LMBR1: variants seen among roughly 807,000 people sequenced by gnomAD.
LMBR1 encodes limb region 1 protein homolog.
A neutral mutation model predicts 73.9 loss-of-function variants in LMBR1; 52 were observed. The ratio of observed to expected loss-of-function variants is 0.70; its 90% CI spans 0.56 to 0.89. LMBR1 has a LOEUF of 0.89. LMBR1 is among the 40% of genes least tolerant of loss of function. The pLI, the probability that LMBR1 is intolerant of heterozygous loss-of-function variation, is 0.00. For synonymous variants in LMBR1, 215 were observed against 209.4 expected (o/e 1.03, Z -0.23); for missense variants, 539 against 579.8 (o/e 0.93, Z 0.72).
intron 9 of LMBR1, among the ~76,000 whole-genome samples, chr7:156,741,789 A>G (rs938715001): frequency 5.9e-5 from 9 of 152,176 alleles, no homozygotes; most frequent in African/African-American, 2.2e-4. Flanking sequence ...GTACTGTACA[A>G]CAAATGGACC....
chr7:156,882,088 G>A (rs534772416), intron 1 of LMBR1, among the ~76,000 whole-genome samples: 4 of 152,198 alleles, frequency 2.6e-5, no homozygotes, highest in Non-Finnish European at 4.4e-5. Context: ...GTCTATTAAC[G>A]GATGGATAAT....
At chr7:156,881,359 G>A (rs1052622781) in intron 1 of LMBR1, among the ~76,000 whole-genome samples, 1 of 152,156 alleles carries the variant, frequency 6.6e-6, no homozygotes, top group East Asian at 1.9e-4. Context: ...AGACTTAAAT[G>A]TAAAACATGA....
At chr7:156,856,751 T>A (rs1253650649) in intron 1 of LMBR1, among the ~76,000 whole-genome samples, 1 of 151,160 alleles carries the variant, frequency 6.6e-6, no homozygotes, top group East Asian at 1.9e-4. Flanking sequence ...AAGGAGTAAG[T>A]GAAGGTAAAA....
intron 5 of LMBR1, among the ~76,000 whole-genome samples, chr7:156,795,621 A>T (rs1192890832): frequency 6.6e-6 from 1 of 152,110 alleles, no homozygotes; most frequent in Admixed American, 6.5e-5. Context: ...ACGCAATCAC[A>T]GCTCACACCA....
chr7:156,838,860 C>T (rs193288025), intron 1 of LMBR1, among the ~76,000 whole-genome samples: 61 of 152,278 alleles, frequency 4.0e-4, no homozygotes, highest in African/African-American at 1.4e-3. Context: ...TCCCTTCTCG[C>T]CACATCTTCA....
At chr7:156,728,376 CTTG>C (rs1398436364) in intron 11 of LMBR1, among the ~76,000 whole-genome samples, 3 of 152,266 alleles carry the variant, frequency 2.0e-5, no homozygotes, top group East Asian at 1.9e-4. Context: ...TCTGCAACAC[CTTG>C]TTTTCTTAAT....
chr7:156,805,743 T>C (rs142448297), intron 4 of LMBR1, among the ~76,000 whole-genome samples: 219 of 152,306 alleles, frequency 1.4e-3, no homozygotes, highest in African/African-American at 4.4e-3. Flanking sequence ...ATATTGCTGT[T>C]ACAGACTGAA....
chr7:156,764,653 A>G (rs933504190), intron 5 of LMBR1, among the ~76,000 whole-genome samples: 8 of 152,246 alleles, frequency 5.3e-5, no homozygotes, highest in African/African-American at 9.6e-5. Context: ...ATATTTCTCA[A>G]TAAATTATGT....
chr7:156,802,665 G>A (rs1037991923), intron 4 of LMBR1, among the ~76,000 whole-genome samples: 1 of 152,030 alleles, frequency 6.6e-6, no homozygotes, highest in Non-Finnish European at 1.5e-5. Flanking sequence ...GATAAGTTTT[G>A]TCATGAGAAT....
intron 1 of LMBR1, among the ~76,000 whole-genome samples, chr7:156,861,008 G>A (rs1301366320): frequency 6.6e-6 from 1 of 152,226 alleles, no homozygotes; most frequent in African/African-American, 2.4e-5. Flanking sequence ...CCATTCTGGG[G>A]TCTGGAGGAT....
chr7:156,848,406 T>C (rs1795798170), intron 1 of LMBR1, among the ~76,000 whole-genome samples: 1 of 152,134 alleles, frequency 6.6e-6, no homozygotes, highest in African/African-American at 2.4e-5. Flanking sequence ...AAAGAAGACA[T>C]ACATGCAGCC....
chr7:156,879,232 AG>A (rs1383561074), intron 1 of LMBR1, among the ~76,000 whole-genome samples: 2 of 152,260 alleles, frequency 1.3e-5, no homozygotes, highest in East Asian at 3.8e-4. Context: ...GCATGGCAAA[AG>A]GAACAGTCAG....
intron 8 of LMBR1, 49 bp downstream of exon 8, chr7:156,762,085 G>A (rs757083528): frequency 2.9e-6 from 3 of 1,044,138 alleles, no homozygotes; most frequent in Middle Eastern, 2.2e-4. Context: ...ACAATCAAAT[G>A]TAAACACATT....
intron 4 of LMBR1, chr7:156,823,292 T>C (rs997370271): frequency 3.3e-5 from 5 of 152,026 alleles, no homozygotes; most frequent in Non-Finnish European, 7.4e-5. Context: ...TTAAAGATAC[T>C]AATATTCACT....
intron 1 of LMBR1, among the ~76,000 whole-genome samples, chr7:156,862,208 T>G (rs2134202297): frequency 6.6e-6 from 1 of 152,298 alleles, no homozygotes; most frequent in Admixed American, 6.5e-5. Context: ...AAGGAGCAAG[T>G]CACATCTTAC....
intron 1 of LMBR1, among the ~76,000 whole-genome samples, chr7:156,886,884 G>A (rs921775455): frequency 1.3e-5 from 2 of 152,116 alleles, no homozygotes; most frequent in Non-Finnish European, 2.9e-5. Flanking sequence ...GGTCAGCTGT[G>A]TTTAAACCTC....
chr7:156,707,768 A>C (rs1477399008), intron 15 of LMBR1, among the ~76,000 whole-genome samples: 2 of 152,186 alleles, frequency 1.3e-5, no homozygotes, highest in Non-Finnish European at 2.9e-5. Flanking sequence ...AATCATAAGA[A>C]CTGGAAAAAG....
intron 5 of LMBR1, among the ~76,000 whole-genome samples, chr7:156,785,318 T>C (rs957212211): frequency 6.6e-5 from 10 of 151,958 alleles, no homozygotes; most frequent in Admixed American, 3.3e-4. Context: ...CCCAATATGA[T>C]TTGGGGTTAA....
rs73493528 is a variant in LMBR1, at chr7:156,799,619, G to C, written c.320-3127C>G. 8.5e-3 allele frequency among the ~76,000 whole-genome samples: 1,294 copies of C among 152,198 alleles called. 14 individuals are homozygous for C. The highest frequency in any genetic ancestry group is 0.029 in the African/African-American group (1,207 of 41,532). ...TGAGACACAACGATATTGAAAGTAG[G>C]CCATGTAATAATCCTACAATGTCCT... On this transcript the variant is annotated intron_variant, in intron 4 of 16. Transcript: ENST00000353442.
Sources: allele counts gnomAD v4.1 joint callset (sites outside exome capture counted in the v4.1 genomes callset), GRCh38; gene constraint gnomAD v4.1.1; transcripts MANE v1.5; gene names NCBI Gene and HGNC (gene_info 2026-07-23, HGNC 2026-07-21).